PHKB: variants seen among roughly 807,000 people sequenced by gnomAD.
PHKB encodes phosphorylase kinase regulatory subunit beta.
In PHKB, 122 loss-of-function variants were observed where a neutral mutation model predicts 152.1. The observed-to-expected ratio is 0.80, with a 90% CI of 0.69 to 0.93. PHKB has a LOEUF of 0.93. Among genes scored for constraint, PHKB ranks in the 40% least tolerant of loss-of-function variants. The pLI is 0.00. For missense variants in PHKB, 1,304 were observed against 1,328.4 expected (o/e 0.98, Z 0.29); for synonymous variants, 436 against 464.9 (o/e 0.94, Z 0.80).
chr16:47,601,202 G>T (rs1597115893), intron 13 of PHKB, among the ~76,000 whole-genome samples: 1 of 152,184 alleles, frequency 6.6e-6, no homozygotes, highest in East Asian at 1.9e-4. Context: ...GGGCAATAGA[G>T]TGAGACCCTG....
intron 22 of PHKB, 130 bp from the exon 23 acceptor site, chr16:47,661,589 A>ATT: frequency 1.4e-6 from 1 of 708,408 alleles, no homozygotes; most frequent in Admixed American, 2.0e-5. Flanking sequence ...TATCAATGAC[A>ATT]TTTTATCTTC....
At chr16:47,615,520 C>T (rs137891467) in intron 14 of PHKB, among the ~76,000 whole-genome samples, 1 of 152,298 alleles carries the variant, frequency 6.6e-6, no homozygotes, top group East Asian at 1.9e-4. Context: ...TTGTGCTTTG[C>T]ATTTCCCTAT....
intron 16 of PHKB, among the ~76,000 whole-genome samples, chr16:47,645,610 A>C (rs1376704198): frequency 6.7e-6 from 1 of 149,740 alleles, no homozygotes. Flanking sequence ...TGTTTTGGTT[A>C]CTGTAGCCTT....
chr16:47,488,762 C>A (rs977130024), intron 1 of PHKB, among the ~76,000 whole-genome samples: 39 of 152,070 alleles, frequency 2.6e-4, no homozygotes, highest in Non-Finnish European at 4.4e-4. Context: ...TGTAGGTGTG[C>A]AGCTTTATTT....
chr16:47,491,064 A>AGTAGTTCAATTAT (rs1350424307), intron 1 of PHKB, among the ~76,000 whole-genome samples: 1 of 152,204 alleles, frequency 6.6e-6, no homozygotes, highest in Non-Finnish European at 1.5e-5. Context: ...ATCTATTTCC[A>AGTAGTTCAATTAT]GTAGTTTCAA....
intron 1 of PHKB, among the ~76,000 whole-genome samples, chr16:47,478,580 A>T (rs962362295): frequency 6.6e-6 from 1 of 151,374 alleles, no homozygotes; most frequent in Non-Finnish European, 1.5e-5. Context: ...AAGTTACTAA[A>T]CCCCATTTAA....
intron 11 of PHKB, 123 bp from the exon 12 acceptor site, chr16:47,594,014 T>C (rs558599902): frequency 7.9e-6 from 5 of 631,740 alleles, no homozygotes; most frequent in Admixed American, 2.9e-5. Flanking sequence ...CACTTTAATT[T>C]TACCATTGGC....
intron 6 of PHKB, among the ~76,000 whole-genome samples, chr16:47,535,617 A>G (rs745739875): frequency 1.3e-5 from 2 of 152,324 alleles, no homozygotes; most frequent in East Asian, 1.9e-4. Context: ...ATTTTATACA[A>G]TATAAGTCCC....
At chr16:47,641,492 T>C in intron 15 of PHKB, 107 bp from the exon 16 acceptor site, 1 of 710,658 alleles carries the variant, frequency 1.4e-6, no homozygotes, top group Non-Finnish European at 2.6e-6. Flanking sequence ...AACAAATTAA[T>C]AATGCCCTCC....
chr16:47,462,758 T>G (rs1597002986), intron 1 of PHKB: 3 of 149,550 alleles, frequency 2.0e-5, no homozygotes, highest in African/African-American at 7.4e-5. Context: ...TTGGAGAAAG[T>G]AAATCTAATT....
Position 47,648,614 on chromosome 16 carries a change from A to G in PHKB, c.1690A>G (p.Lys564Glu), listed in dbSNP as rs375108693. The G allele has an allele frequency of 3.4e-5, 55 of 1,606,638 alleles. No individual in the cohort carries two copies. Among genetic ancestry groups the G allele is most frequent in the Non-Finnish European group, 4.4e-5 (52 of 1,173,356 alleles). ...DRPIGCLGTS[K>E]IYRILGKTVV... ...GCCCATTGGCTGCCTCGGGACATCAAAGGTACTCATGAAATGTCCTCAAAA... is the reference window on the plus strand; with the variant it reads ...GCCCATTGGCTGCCTCGGGACATCAGAGGTACTCATGAAATGTCCTCAAAA... Residue 564 changes from lysine to glutamate, a missense_variant and splice_region_variant, in exon 17 of 31, where the codon AAG (lysine) becomes GAG (glutamate). Physicochemically the swap from Lys to Glu is moderately conservative, Grantham distance 56. Coordinates refer to ENST00000323584, the MANE Select transcript of PHKB (RefSeq NM_000293.3).
intron 4 of PHKB, among the ~76,000 whole-genome samples, chr16:47,506,027 C>CAAAAAAA (rs1198434467): frequency 4.8e-4 from 24 of 49,886 alleles, no homozygotes; most frequent in East Asian, 6.3e-4. Context: ...GAAACTGTCT[C>CAAAAAAA]AAAAAAAAAA....
Position 47,660,795 on chromosome 16 carries a change from C to T in PHKB, c.2172C>T (p.Thr724=), listed in dbSNP as rs1973429878. The change falls in exon 22 of 31, where the codon ACC becomes ACT. Residue 724 remains threonine (T), a synonymous_variant. Coordinates refer to ENST00000323584, the MANE Select transcript of PHKB (RefSeq NM_000293.3). ...TTAGTGAATGGAAGGACAAACCCAC[C>T]CACGAAATTCTTCAAAAACTGAATG... ...VNISEWKDKP[T]HEILQKLNDC... 1 of 1,613,954 alleles carries T rather than the reference C, an allele frequency of 6.2e-7. No homozygotes were observed. Among genetic ancestry groups the T allele is most frequent in the South Asian group, 1.1e-5 (1 of 91,068 alleles).
At chr16:47,672,724 C>CT (rs745747350) in intron 26 of PHKB, among the ~76,000 whole-genome samples, 8 of 152,082 alleles carry the variant, frequency 5.3e-5, no homozygotes, top group Non-Finnish European at 1.2e-4. Flanking sequence ...ATGTAATTCC[C>CT]TTTCTTGAAT....
chr16:47,657,977 A>G (rs1000651472), intron 20 of PHKB, among the ~76,000 whole-genome samples: 2 of 152,096 alleles, frequency 1.3e-5, no homozygotes, highest in Non-Finnish European at 2.9e-5. Context: ...CTAAATTCCA[A>G]CTAATAAAAC....
At chr16:47,481,216 C>A (rs1969958500) in intron 1 of PHKB, among the ~76,000 whole-genome samples, 1 of 152,140 alleles carries the variant, frequency 6.6e-6, no homozygotes, top group South Asian at 2.1e-4. Flanking sequence ...TCTGAATAGT[C>A]ATGCTTCAGA....
rs761284352 is a variant in PHKB, at chr16:47,580,328, A to C, written c.744A>C (p.Ala248=). 2 of 1,613,020 alleles carry C rather than the reference A, an allele frequency of 1.2e-6. No individual in the cohort carries two copies. Among genetic ancestry groups the C allele is most frequent in the Non-Finnish European group, 1.7e-6 (2 of 1,179,200 alleles). The change falls in exon 8 of 31, where the codon GCA becomes GCC. Residue 248 remains alanine, a synonymous_variant. Transcript: ENST00000323584. Reference sequence around the variant, plus strand: ...GTTTAGCAAAAGCAGCTCTAGAAGCAATTAATGGATTCAACCTTTTTGGCA... The same window carrying C: ...GTTTAGCAAAAGCAGCTCTAGAAGCCATTAATGGATTCAACCTTTTTGGCA... ...SVGLAKAALE[A]INGFNLFGNQ...
intron 6 of PHKB, among the ~76,000 whole-genome samples, chr16:47,537,219 A>G (rs371552239): frequency 1.3e-5 from 2 of 152,372 alleles, no homozygotes; most frequent in South Asian, 2.1e-4. Context: ...CAACAATTCA[A>G]AAGATCTAAT....
chr16:47,511,674 T>C lies in PHKB; in HGVS notation c.415T>C (p.Phe139Leu), dbSNP rs769430464. Residue 139 changes from phenylalanine (F) to leucine (L), a missense_variant, in exon 5 of 31, where the codon TTT becomes CTT. Coordinates refer to ENST00000323584, the MANE Select transcript of PHKB (RefSeq NM_000293.3). ...YMRQADKVQQ[F>L]KQDPRPTTCL... ...TTATATTTCATTCTAGGTCCAGCAG[T>C]TTAAGCAGGATCCACGCCCAACAAC... is the stretch of plus-strand genomic sequence containing the variant. 1.9e-6 allele frequency: 3 copies of C among 1,607,324 alleles called. No homozygotes were observed. The South Asian group carries it at 3.3e-5, about 18-fold the overall frequency.
Sources: allele counts gnomAD v4.1 joint callset (sites outside exome capture counted in the v4.1 genomes callset), GRCh38; gene constraint gnomAD v4.1.1; transcripts MANE v1.5; gene names NCBI Gene and HGNC (gene_info 2026-07-23, HGNC 2026-07-21).